SHTN1: variants seen among roughly 807,000 people sequenced by gnomAD.
SHTN1 encodes shootin-1.
SHTN1 carries 42 observed loss-of-function variants against 83.1 expected under a neutral mutation model. The observed-to-expected ratio is 0.51, with a 90% confidence interval of 0.39 to 0.65. The LOEUF (loss-of-function observed/expected upper bound fraction) is 0.65. Ranked by LOEUF, SHTN1 falls within the 30% of genes least tolerant of loss-of-function variation. The probability of loss-of-function intolerance (pLI) is 0.00; values close to 1 mark genes in which losing one functional copy is unlikely to be tolerated. For synonymous variants in SHTN1, 224 were observed against 247.7 expected, an observed-to-expected ratio of 0.90 and a Z score of 0.90; for missense variants, 622 against 737.8, an observed-to-expected ratio of 0.84 and a Z score of 1.82.
rs572785152 is a variant in SHTN1 at position 116,949,273 on chromosome 10, T to C, written c.535-276A>G. ...AACAGTATGCTAGCCATCCAATGTA[T>C]ATGATACATATTTTTTTAATTAAAA... On this transcript the variant is annotated intron_variant, in intron 6 of 16. Transcript: ENST00000355371. 1.4e-4 allele frequency among the ~76,000 whole-genome samples: 21 copies of C among 152,198 alleles called. No individual in the cohort carries two copies. The East Asian group carries it at 4.1e-3, about 29-fold the overall frequency.
rs1849737220 is a variant in SHTN1, at chr10:116,950,481, C to T, written c.534+1428G>A. 5.9e-5 allele frequency among the ~76,000 whole-genome samples: 9 copies of T among 152,256 alleles called. No individual in the cohort carries two copies. In the South Asian group the frequency reaches 1.9e-3, roughly 32 times the overall value. On this transcript the variant is annotated intron_variant, in intron 6 of 16. Coordinates refer to ENST00000355371, the MANE Select transcript of SHTN1 (RefSeq NM_001127211.3). ...CTGAACTCAGCCCCATTATTTTGTT[C>T]ATTATGCCTTCTCAGATGTCTGAAA...
At chr10:117,037,998 CAAAAAAAAAAAA>C (rs71013632) in intron 2 of SHTN1, among the ~76,000 whole-genome samples, 1 of 75,496 alleles carries the variant, frequency 1.3e-5, no homozygotes, top group South Asian at 6.2e-4. Flanking sequence ...AGCGAGACTT[CAAAAAAAAAAAA>C]AAAAAAAAAA....
At chr10:117,045,661 A>G (rs1852651169) in intron 2 of SHTN1, among the ~76,000 whole-genome samples, 1 of 152,184 alleles carries the variant, frequency 6.6e-6, no homozygotes, top group African/African-American at 2.4e-5. Flanking sequence ...ACCTCATGCC[A>G]AAGGCCTATT....
chr10:117,044,496 A>G (rs1256821411), intron 2 of SHTN1, among the ~76,000 whole-genome samples: 8 of 152,180 alleles, frequency 5.3e-5, no homozygotes, highest in Admixed American at 5.2e-4. Context: ...GCTATGTCCA[A>G]TTTCTTTCTC....
At chr10:117,069,940 GGAGTA>G (rs1564948958) in intron 1 of SHTN1, among the ~76,000 whole-genome samples, 1 of 152,036 alleles carries the variant, frequency 6.6e-6, no homozygotes. Context: ...AATAATAAAG[GGAGTA>G]GAGTTCTATA....
upstream of SHTN1, among the ~76,000 whole-genome samples, chr10:117,009,063 C>T (rs751524404): frequency 1.3e-5 from 2 of 151,922 alleles, no homozygotes; most frequent in Non-Finnish European, 2.9e-5. Flanking sequence ...TGCAATGAGC[C>T]GAGATCGTGC....
chr10:117,001,367 T>C (rs957127697), intron 1 of SHTN1, among the ~76,000 whole-genome samples: 1 of 152,118 alleles, frequency 6.6e-6, no homozygotes, highest in African/African-American at 2.4e-5. Flanking sequence ...TTATAAGACA[T>C]AGAGCTTAGG....
intron 1 of SHTN1, among the ~76,000 whole-genome samples, chr10:117,121,905 G>A (rs529706767): frequency 8.6e-5 from 13 of 152,046 alleles, no homozygotes; most frequent in Admixed American, 5.2e-4. Flanking sequence ...GGTGGCAGGC[G>A]CCTGTAGTCC....
chr10:116,937,758 T>C (rs988487094), intron 9 of SHTN1, among the ~76,000 whole-genome samples: 2 of 152,126 alleles, frequency 1.3e-5, no homozygotes, highest in Non-Finnish European at 2.9e-5. Context: ...GAAAAGTGTT[T>C]TCCAACTTGG....
At chr10:117,013,566 T>G (rs571760551) in intron 2 of SHTN1, among the ~76,000 whole-genome samples, 1 of 152,296 alleles carries the variant, frequency 6.6e-6, no homozygotes, top group South Asian at 2.1e-4. Flanking sequence ...AACAATGATA[T>G]AATACTATGT....
At chr10:117,110,903 AAC>A (rs1352454508) in intron 1 of SHTN1, among the ~76,000 whole-genome samples, 2 of 152,176 alleles carry the variant, frequency 1.3e-5, no homozygotes, top group Non-Finnish European at 2.9e-5. Flanking sequence ...GGCTTGTTAA[AAC>A]ACAGATTGTG....
intron 2 of SHTN1, among the ~76,000 whole-genome samples, chr10:117,028,063 A>C (rs116894313): frequency 0.024 from 3,679 of 152,286 alleles, 130 homozygotes; most frequent in East Asian, 0.12. Context: ...GCCTCAGATT[A>C]AAATGAGGAA....
chr10:117,019,141 T>G (rs928233957), intron 2 of SHTN1, among the ~76,000 whole-genome samples: 6 of 151,940 alleles, frequency 3.9e-5, no homozygotes, highest in African/African-American at 9.7e-5. Flanking sequence ...ACTGAAATTT[T>G]AAAAAAGATT....
At chr10:117,034,249 T>G (rs1172056725) in intron 2 of SHTN1, among the ~76,000 whole-genome samples, 1 of 152,228 alleles carries the variant, frequency 6.6e-6, no homozygotes, top group Non-Finnish European at 1.5e-5. Context: ...AAATTGTCCT[T>G]GTTTGCAGAT....
intron 2 of SHTN1, among the ~76,000 whole-genome samples, chr10:117,015,145 C>T (rs1264649814): frequency 2.0e-5 from 3 of 151,996 alleles, no homozygotes; most frequent in South Asian, 2.1e-4. Context: ...ATATCTGTTT[C>T]ATCTAAGTTA....
chr10:117,058,494 A>T (rs1852856588), intron 1 of SHTN1, among the ~76,000 whole-genome samples: 1 of 152,192 alleles, frequency 6.6e-6, no homozygotes, highest in African/African-American at 2.4e-5. Context: ...CACACCCATT[A>T]TGGTGGCTAC....
intron 1 of SHTN1, among the ~76,000 whole-genome samples, chr10:116,992,522 G>A (rs1458726328): frequency 6.6e-6 from 1 of 152,176 alleles, no homozygotes; most frequent in Non-Finnish European, 1.5e-5. Flanking sequence ...AGAAGGAAAA[G>A]CTGAAATACT....
intron 7 of SHTN1, among the ~76,000 whole-genome samples, chr10:116,948,219 A>G (rs1233837854): frequency 1.3e-5 from 2 of 152,208 alleles, no homozygotes; most frequent in African/African-American, 4.8e-5. Flanking sequence ...GCTGTGTTTT[A>G]TAACTAGATG....
In SHTN1 at chr10:116,940,560, C is replaced by A. The variant is rs1293564364; in HGVS notation, c.764G>T (p.Ser255Ile). ...LKRQSHLLLQ[S>I]SIPDQQLLKA... ...CAAAAGCTGCTGATCAGGGATGGAG[C>A]TCTGCAGCAGAAGGTGGCTTTGTCT... The change falls in exon 9 of 17, where the codon AGC (serine) becomes ATC (isoleucine). Residue 255 changes from serine to isoleucine, a missense_variant. Ser to Ile is a moderately radical substitution (Grantham distance 142). This residue lies in a region of SHTN1 where 383 missense variants were observed against 455.8 expected (regional missense o/e 0.84). Coordinates refer to ENST00000355371, the MANE Select transcript of SHTN1 (RefSeq NM_001127211.3). 6.2e-7 allele frequency: 1 copy of A among 1,613,738 alleles called. No individual in the cohort carries two copies. The highest frequency in any genetic ancestry group is 8.5e-7 in the Non-Finnish European group (1 of 1,179,758).
Sources: allele counts gnomAD v4.1 joint callset (sites outside exome capture counted in the v4.1 genomes callset), GRCh38; gene constraint gnomAD v4.1.1; regional missense constraint gnomAD v4.1.1; transcripts MANE v1.5; gene names NCBI Gene and HGNC (gene_info 2026-07-23, HGNC 2026-07-21).